IGFN1: variants seen among roughly 807,000 people sequenced by gnomAD.
IGFN1 encodes immunoglobulin-like and fibronectin type III domain-containing protein 1.
In IGFN1, 253 loss-of-function variants were observed where a neutral mutation model predicts 289.5. That is an observed-to-expected ratio of 0.87 (90% CI 0.79 to 0.97). The LOEUF (loss-of-function observed/expected upper bound fraction) is 0.97. Among genes scored for constraint, IGFN1 ranks in the 50% least tolerant of loss-of-function variants. The pLI is 0.00. For missense variants in IGFN1, 4,470 were observed against 4,686.1 expected (o/e 0.95, Z 1.35); for synonymous variants, 1,706 against 1,788.5 (o/e 0.95, Z 1.16).
Position 201,209,022 on chromosome 1 carries a change from G to A in IGFN1, c.4129G>A (p.Asp1377Asn). The A allele has an allele frequency of 2.6e-6, 4 of 1,536,846 alleles. No individual in the cohort carries two copies. The highest frequency in any genetic ancestry group is 3.5e-6 in the Non-Finnish European group (4 of 1,146,824). ...GGAAATCGGGTCAATGGATGAAACA[G>A]ATAATAGGAAAGATTTGGGGGTTCC... The part of the protein sequence containing the change: ...SREIGSMDET[D>N]NRKDLGVPEG... Residue 1377 changes from aspartate to asparagine, a missense_variant, in exon 12 of 24, where the codon GAT becomes AAT. By Grantham distance (23) the Asp-to-Asn change is conservative. Transcript: ENST00000335211.
chr1:201,208,936 A>G lies in IGFN1; in HGVS notation c.4043A>G (p.Asp1348Gly), dbSNP rs1217683606. The G allele has an allele frequency of 2.6e-6, 4 of 1,527,888 alleles. No individual in the cohort carries two copies. The highest frequency in any genetic ancestry group is 3.5e-6 in the Non-Finnish European group (4 of 1,143,692). The allele number at this position is 1,527,888 out of a possible 1,614,324, so 94.6% of individuals were successfully genotyped here. Residue 1348 changes from aspartate to glycine, a missense_variant, in exon 12 of 24, where the codon GAT (aspartate) becomes GGT (glycine). Asp to Gly is a moderately conservative substitution (Grantham distance 94). Around this residue, in one of 8 missense-constraint regions of IGFN1, gnomAD observed 2,011 missense variants for 1,953.4 expected, o/e 1.03. Transcript: ENST00000335211. Reference protein sequence around the residue: ...SKADYRGGLQDSREAGSGSKA... With the variant: ...SKADYRGGLQGSREAGSGSKA... The stretch of plus-strand genomic sequence containing the variant: ...GCAGATTATAGGGGTGGTTTACAGG[A>G]TTCCAGGGAAGCGGGTTCAGGGAGC...
In IGFN1 at chr1:201,214,250, T is replaced by C. The variant is rs376587809; in HGVS notation, c.8802T>C (p.Cys2934=). The change falls in exon 13 of 24, where the codon TGT becomes TGC. Residue 2934 remains cysteine, a synonymous_variant. Coordinates refer to ENST00000335211, the MANE Select transcript of IGFN1 (RefSeq NM_001164586.2). ...VQPGEAATLS[C]TLTSDLGPGT... is the part of the protein sequence containing the mutation. ...CGGGGGAGGCCGCCACACTCTCCTGTACCCTCACCAGTGACCTGGGACCTG... is the reference window on the plus strand; with the variant it reads ...CGGGGGAGGCCGCCACACTCTCCTGCACCCTCACCAGTGACCTGGGACCTG... 4.3e-6 allele frequency: 7 copies of C among 1,613,458 alleles called. No individual in the cohort carries two copies. The highest frequency in any genetic ancestry group is 1.7e-6 in the Non-Finnish European group (2 of 1,179,674).
Position 201,194,218 on chromosome 1 carries a change from A to G in IGFN1, c.72A>G (p.Glu24=). ...SIWQLVEEIP[E]GCSTPDFEQK... is the part of the protein sequence containing the mutation. Reference sequence around the variant, plus strand: ...GGCAGCTGGTGGAGGAGATCCCTGAAGGCTGCAGCACGCCGGACTTTGAGC... The same window carrying G: ...GGCAGCTGGTGGAGGAGATCCCTGAGGGCTGCAGCACGCCGGACTTTGAGC... Residue 24 remains glutamate (E), a synonymous_variant, in exon 3 of 24, where the codon GAA becomes GAG. Transcript: ENST00000335211. The G allele has an allele frequency of 6.4e-7, 1 of 1,551,560 alleles. No individual in the cohort carries two copies. Among genetic ancestry groups the G allele is most frequent in the Non-Finnish European group, 8.7e-7 (1 of 1,146,942 alleles).
intron 1 of IGFN1, among the ~76,000 whole-genome samples, chr1:201,192,666 G>A (rs1002855224): frequency 2.0e-5 from 3 of 152,200 alleles, no homozygotes; most frequent in African/African-American, 7.2e-5. Flanking sequence ...CCTTGTGACT[G>A]GAAGGATTCT....
At chr1:201,223,971 T>C (rs989603374) in intron 20 of IGFN1, among the ~76,000 whole-genome samples, 2 of 152,230 alleles carry the variant, frequency 1.3e-5, no homozygotes, top group Non-Finnish European at 2.9e-5. Flanking sequence ...AGTTACCATG[T>C]CCTAGGCCTT....
At chr1:201,215,481 T>C in intron 14 of IGFN1, 58 bp from the exon 15 acceptor site, 2 of 1,445,570 alleles carry the variant, frequency 1.4e-6, no homozygotes, top group Non-Finnish European at 1.9e-6. Context: ...TCCTCCTTTC[T>C]ATATTCCCCA....
rs547293166 is a variant in IGFN1 at position 201,226,047 on chromosome 1, G to A, written c.10710G>A (p.Arg3570=). ...TCCCCGGCCACGAATACCACTTCAGGGTGGTGGCCAAGAATGAGCTGGGGG... is the reference window on the plus strand; with the variant it reads ...TCCCCGGCCACGAATACCACTTCAGAGTGGTGGCCAAGAATGAGCTGGGGG... The part of the protein sequence containing the change: ...GILPGHEYHF[R]VVAKNELGAS... Residue 3570 remains arginine, a synonymous_variant, in exon 22 of 24, where the codon AGG becomes AGA. Transcript: ENST00000335211. 18 of 1,600,056 alleles carry A rather than the reference G, an allele frequency of 1.1e-5. No homozygotes were observed. The African/African-American group carries it at 2.1e-4, about 19-fold the overall frequency.
intron 3 of IGFN1, among the ~76,000 whole-genome samples, chr1:201,195,409 C>T (rs1316621951): frequency 6.6e-6 from 1 of 152,166 alleles, no homozygotes; most frequent in East Asian, 1.9e-4. Context: ...GCCTTGGCCT[C>T]CCAAAGTGCT....
intron 14 of IGFN1, 152 bp from the exon 15 acceptor site, chr1:201,215,387 G>T: frequency 1.2e-6 from 1 of 800,018 alleles, no homozygotes. Context: ...CTCTTCTGCT[G>T]CAGATGAAGC....
chr1:201,206,532 A>T lies in IGFN1; in HGVS notation c.1639A>T (p.Ser547Cys). Reference protein sequence around the residue: ...EKQQQDRGRDSNSDECWRKAG... With the variant: ...EKQQQDRGRDCNSDECWRKAG... The stretch of plus-strand genomic sequence containing the variant: ...ACAACAGCAAGATCGTGGCAGAGAC[A>T]GCAACAGTGATGAATGCTGGAGGAA... Residue 547 changes from serine (S) to cysteine (C), a missense_variant, in exon 12 of 24, where the codon AGC becomes TGC. Physicochemically the swap from Ser to Cys is moderately radical, Grantham distance 112. This residue lies in a region of IGFN1 where 2,011 missense variants were observed against 1,953.4 expected (regional missense o/e 1.03). Transcript: ENST00000335211. 1.3e-6 allele frequency: 2 copies of T among 1,551,200 alleles called. No homozygotes were observed. Among genetic ancestry groups the T allele is most frequent in the South Asian group, 2.4e-5 (2 of 84,050 alleles).
rs1475781204 is a variant in IGFN1, at chr1:201,212,735, G to T, written c.7842G>T (p.Gly2614=). 6.4e-7 allele frequency: 1 copy of T among 1,551,456 alleles called. No individual in the cohort carries two copies. Among genetic ancestry groups the T allele is most frequent in the Admixed American group, 2.0e-5 (1 of 50,982 alleles). ...MPGGRGKSTS[G]PADRQGTSNA... ...GGGGAAGGGGCAAGTCAACATCAGG[G>T]CCTGCTGATAGACAAGGGACGAGCA... Residue 2614 remains glycine, a synonymous_variant, in exon 12 of 24, where the codon GGG becomes GGT. Coordinates refer to ENST00000335211, the MANE Select transcript of IGFN1 (RefSeq NM_001164586.2).
rs1667266146 is a variant in IGFN1 at position 201,203,747 on chromosome 1, A to G, written c.757A>G (p.Met253Val). ...SKIYLYKDGE[M>V]IPYGFNNQTK... is the part of the protein sequence containing the mutation. ...CCTTTTCTGGCCTTAGGATGGTGAG[A>G]TGATCCCCTATGGCTTCAACAACCA... Residue 253 changes from methionine (M) to valine (V), a missense_variant, in exon 10 of 24, where the codon ATG becomes GTG. Met to Val is a conservative substitution (Grantham distance 21). Coordinates refer to ENST00000335211, the MANE Select transcript of IGFN1 (RefSeq NM_001164586.2). The G allele has an allele frequency of 6.4e-7, 1 of 1,551,680 alleles. No individual in the cohort carries two copies. The highest frequency in any genetic ancestry group is 1.4e-5 in the African/African-American group (1 of 73,160).
chr1:201,212,952 C>T lies in IGFN1; in HGVS notation c.8059C>T (p.Arg2687Ter), dbSNP rs911610348. The change falls in exon 12 of 24, where the codon CGA (arginine) becomes TGA (stop). Residue 2687 changes from arginine to a stop codon, truncating the protein, a stop_gained. Coordinates refer to ENST00000335211, the MANE Select transcript of IGFN1 (RefSeq NM_001164586.2). LOFTEE classifies it high-confidence loss of function. ...AGGCCAAGAGGCGGCTGGTGGATGC[C>T]GAAGCCCATGGTCCCTGGATAGCAA... is the stretch of plus-strand genomic sequence containing the variant. ...APGQEAAGGCRSPWSLDSKGS... is the reference protein window; with the variant it reads ...APGQEAAGGC 30 of 1,551,372 alleles carry T rather than the reference C, an allele frequency of 1.9e-5. No homozygotes were observed. Among genetic ancestry groups the T allele is most frequent in the African/African-American group, 1.4e-4 (10 of 73,114 alleles).
At chr1:201,192,206 C>T (rs910754906) in intron 1 of IGFN1, among the ~76,000 whole-genome samples, 1 of 152,188 alleles carries the variant, frequency 6.6e-6, no homozygotes, top group Admixed American at 6.5e-5. Flanking sequence ...GTCAGAAGTG[C>T]CAGTGGGTGG....
At chr1:201,201,604 C>T (rs1572169873) in intron 8 of IGFN1, 115 bp from the exon 9 acceptor site, 2 of 608,716 alleles carry the variant, frequency 3.3e-6, no homozygotes, top group East Asian at 2.8e-5. Context: ...GGGGCCAATG[C>T]ATGCTCATCT....
Position 201,212,716 on chromosome 1 carries a change from G to T in IGFN1, c.7823G>T (p.Arg2608Met). The change falls in exon 12 of 24, where the codon AGG (arginine) becomes ATG (methionine). Residue 2608 changes from arginine (R) to methionine (M), a missense_variant. Arg to Met is a moderately conservative substitution (Grantham distance 91). This residue lies in a region of IGFN1 where 2,218 missense variants were observed against 2,114.1 expected (regional missense o/e 1.05). Coordinates refer to ENST00000335211, the MANE Select transcript of IGFN1 (RefSeq NM_001164586.2). ...DLDSGSMPGG[R>M]GKSTSGPADR... ...GACAGCGGCTCTATGCCTGGGGGAA[G>T]GGGCAAGTCAACATCAGGGCCTGCT... The T allele has an allele frequency of 1.9e-6, 3 of 1,550,836 alleles. No individual in the cohort carries two copies. The highest frequency in any genetic ancestry group is 2.6e-6 in the Non-Finnish European group (3 of 1,146,552).
At position 201,216,572 on chromosome 1, in the gene IGFN1, G is replaced by A. The variant is rs760107474; in HGVS notation, c.9414G>A (p.Val3138=). The A allele has an allele frequency of 4.3e-6, 7 of 1,613,654 alleles. No homozygotes were observed. The highest frequency in any genetic ancestry group is 1.3e-5 in the African/African-American group (1 of 75,044). ...GCCGGACTGTAGAGTGCTACGTGGT[G>A]GAGAGACGGCAGGCTGGCAGGAGCA... is the stretch of plus-strand genomic sequence containing the variant. The part of the protein sequence containing the change: ...NGGRTVECYV[V]ERRQAGRSTW... The change falls in exon 16 of 24, where the codon GTG becomes GTA. Residue 3138 remains valine (V), a synonymous_variant. Coordinates refer to ENST00000335211, the MANE Select transcript of IGFN1 (RefSeq NM_001164586.2).
intron 15 of IGFN1, 98 bp from the exon 16 acceptor site, chr1:201,216,356 G>A (rs1405228193): frequency 8.4e-6 from 8 of 954,736 alleles, no homozygotes; most frequent in Middle Eastern, 3.3e-4. Flanking sequence ...GATGGGGGTG[G>A]GGGGGAGTCG....
rs1431573526 is a variant in IGFN1 at position 201,208,313 on chromosome 1, C to T, written c.3420C>T (p.Gly1140=). Reference sequence around the variant, plus strand: ...CCCTGGGGGCCTTTGGAGAAGGAGGCTATGAAGATGGCTCTGGGGGTCCAG... The same window carrying T: ...CCCTGGGGGCCTTTGGAGAAGGAGGTTATGAAGATGGCTCTGGGGGTCCAG... ...SEALGAFGEG[G]YEDGSGGPGA... is the part of the protein sequence containing the mutation. The change falls in exon 12 of 24, where the codon GGC becomes GGT. Residue 1140 remains glycine (G), a synonymous_variant. Coordinates refer to ENST00000335211, the MANE Select transcript of IGFN1 (RefSeq NM_001164586.2). 3 of 1,517,320 alleles carry T rather than the reference C, an allele frequency of 2.0e-6. No homozygotes were observed. The highest frequency in any genetic ancestry group is 2.6e-6 in the Non-Finnish European group (3 of 1,140,346). The allele number at this position is 1,517,320 out of a possible 1,614,324, so 94.0% of individuals were successfully genotyped here.
Sources: allele counts gnomAD v4.1 joint callset (sites outside exome capture counted in the v4.1 genomes callset), GRCh38; gene constraint gnomAD v4.1.1; regional missense constraint gnomAD v4.1.1; transcripts MANE v1.5; gene names NCBI Gene and HGNC (gene_info 2026-07-23, HGNC 2026-07-21).